EPM2A: variants seen among roughly 807,000 people sequenced by gnomAD.
EPM2A encodes laforin.
In EPM2A, 21 loss-of-function variants were observed where a neutral mutation model predicts 26.5. The observed-to-expected ratio is 0.79, with a 90% CI of 0.56 to 1.14. The LOEUF is 1.14. Ranked by LOEUF, EPM2A falls within the 50% of genes most tolerant of loss-of-function variation. EPM2A has a pLI of 0.00. For missense variants in EPM2A, 458 were observed against 440.8 expected, an observed-to-expected ratio of 1.04 and a Z score of -0.35; for synonymous variants, 217 against 177.6, an observed-to-expected ratio of 1.22 and a Z score of -1.76.
At chr6:145,646,172 T>C (rs957628033) in intron 2 of EPM2A, among the ~76,000 whole-genome samples, 3 of 152,282 alleles carry the variant, frequency 2.0e-5, no homozygotes, top group Middle Eastern at 3.4e-3. Flanking sequence ...TTTTCTTTTT[T>C]TGAGATGGAG....
intron 4 of EPM2A, among the ~76,000 whole-genome samples, chr6:145,492,490 C>T (rs1475778043): frequency 6.6e-6 from 1 of 152,192 alleles, no homozygotes; most frequent in East Asian, 1.9e-4. Flanking sequence ...TTGTTCTCCA[C>T]CAGCAAGGGC....
chr6:145,479,333 G>A (rs1470436571), intron 4 of EPM2A, among the ~76,000 whole-genome samples: 2 of 146,080 alleles, frequency 1.4e-5, no homozygotes, highest in Non-Finnish European at 3.0e-5. Context: ...ATATATATAT[G>A]ATTCAAGGGT....
At chr6:145,629,395 C>T (rs553609672) in intron 3 of EPM2A, 2 of 152,352 alleles carry the variant, frequency 1.3e-5, no homozygotes, top group South Asian at 4.1e-4. Context: ...GTCTGCCACT[C>T]AGTTACTCAT....
At chr6:145,459,350 C>T (rs1450964019) in intron 4 of EPM2A, among the ~76,000 whole-genome samples, 1 of 152,160 alleles carries the variant, frequency 6.6e-6, no homozygotes, top group Admixed American at 6.5e-5. Flanking sequence ...GAGAACAATG[C>T]TCAGAATGGA....
chr6:145,496,838 C>T (rs1055113362), downstream of EPM2A, among the ~76,000 whole-genome samples: 69 of 151,020 alleles, frequency 4.6e-4, 1 homozygote, highest in African/African-American at 1.2e-3. Flanking sequence ...CCTGGGTTCA[C>T]GCCATTCTCC....
chr6:145,576,719 A>G (rs1157908559), intron 2 of EPM2A, among the ~76,000 whole-genome samples: 3 of 152,208 alleles, frequency 2.0e-5, no homozygotes, highest in African/African-American at 7.2e-5. Context: ...CTCACTGGTA[A>G]AAGTAAGTAC....
chr6:145,466,833 G>T (rs1445511271), intron 4 of EPM2A, among the ~76,000 whole-genome samples: 2 of 152,166 alleles, frequency 1.3e-5, no homozygotes, highest in Non-Finnish European at 2.9e-5. Context: ...ATGAGTTCAT[G>T]TCCTTTGTAG....
At chr6:145,670,775 T>C in intron 2 of EPM2A, 1 of 264,564 alleles carries the variant, frequency 3.8e-6, no homozygotes, top group Non-Finnish European at 5.8e-6. Context: ...TATATAAAAA[T>C]ATATTTCGAA....
At chr6:145,513,361 T>A (rs968086102) in intron 2 of EPM2A, among the ~76,000 whole-genome samples, 1 of 152,178 alleles carries the variant, frequency 6.6e-6, no homozygotes, top group Non-Finnish European at 1.5e-5. Context: ...AGATACCATG[T>A]TACATCAATC....
intron 4 of EPM2A, among the ~76,000 whole-genome samples, chr6:145,477,278 G>T (rs1779554691): frequency 6.6e-6 from 1 of 151,740 alleles, no homozygotes; most frequent in South Asian, 2.1e-4. Flanking sequence ...CGAGATCAAA[G>T]ATATAATAAA....
At chr6:145,567,971 G>A (rs1582860511) in intron 2 of EPM2A, among the ~76,000 whole-genome samples, 1 of 152,142 alleles carries the variant, frequency 6.6e-6, no homozygotes, top group Non-Finnish European at 1.5e-5. Flanking sequence ...GTTGCATACT[G>A]TCCAGCCATT....
chr6:145,519,153 T>A (rs892651962), intron 2 of EPM2A, among the ~76,000 whole-genome samples: 7 of 152,206 alleles, frequency 4.6e-5, no homozygotes, highest in African/African-American at 1.7e-4. Context: ...AGCAGTTGTC[T>A]CCTAAATTCC....
In EPM2A at chr6:145,626,020, T is replaced by TC. The variant is rs1775786431; in HGVS notation, c.*1395dup. 8.8e-7 allele frequency: 1 copy of TC among 1,131,802 alleles called. No homozygotes were observed. The highest frequency in any genetic ancestry group is 2.6e-5 in the South Asian group (1 of 39,166). The allele number at this position is 1,131,802 out of a possible 1,614,324, so 70.1% of individuals were successfully genotyped here. ...TGAGTTAACCCTTCTGACCTTAGTT[T>TC]CCCCATCTTTATCATGGAGATAATG... On this transcript the variant is annotated 3_prime_UTR_variant, in exon 4 of 4. Transcript: ENST00000367519.
At chr6:145,452,853 G>C (rs1779215575) in intron 4 of EPM2A, among the ~76,000 whole-genome samples, 1 of 152,142 alleles carries the variant, frequency 6.6e-6, no homozygotes, top group Non-Finnish European at 1.5e-5. Context: ...ACTGGGTATA[G>C]GAAGCTGCTT....
chr6:145,713,451 G>A (rs1775449971), intron 1 of EPM2A, among the ~76,000 whole-genome samples: 1 of 152,136 alleles, frequency 6.6e-6, no homozygotes, highest in African/African-American at 2.4e-5. Flanking sequence ...ACATATGTGT[G>A]TATCTTCCAT....
At chr6:145,506,084 A>G (rs1412112186) in intron 2 of EPM2A, among the ~76,000 whole-genome samples, 1 of 152,224 alleles carries the variant, frequency 6.6e-6, no homozygotes, top group Admixed American at 6.5e-5. Context: ...ACAATTGGTA[A>G]TCTACTGTCA....
At chr6:145,489,258 A>T (rs1396689033) in intron 4 of EPM2A, among the ~76,000 whole-genome samples, 1 of 152,220 alleles carries the variant, frequency 6.6e-6, no homozygotes, top group Non-Finnish European at 1.5e-5. Flanking sequence ...ATAAACTTGT[A>T]TTCTAATGAT....
In EPM2A at chr6:145,687,896, T is replaced by G. The variant is rs140670540; in HGVS notation, c.302-1600A>C. On this transcript the variant is annotated intron_variant, in intron 1 of 3. Transcript: ENST00000367519. ...ACCACATCTCTATTAACCTTCATTT[T>G]TAATAGATAAAAACCAAACTACACT... Among the ~76,000 whole-genome samples the G allele has an allele frequency of 4.1e-3, 622 of 152,268 alleles. 18 individuals carry two copies. In the East Asian group the frequency reaches 0.07, roughly 17 times the overall value.
chr6:145,462,449 T>C (rs141229393), intron 4 of EPM2A, among the ~76,000 whole-genome samples: 96 of 152,348 alleles, frequency 6.3e-4, no homozygotes, highest in African/African-American at 2.2e-3. Context: ...GAATATCCTT[T>C]CATCAATTCT....
Sources: gnomAD v4.1 joint callset for allele counts (sites outside exome capture counted in the v4.1 genomes callset) on GRCh38, gnomAD v4.1.1 for gene constraint, MANE v1.5 for transcripts, NCBI Gene and HGNC (gene_info 2026-07-23, HGNC 2026-07-21) for gene names.